Variants in FBXL2 observed in about 807,000 individuals in gnomAD.
FBXL2 encodes the protein F-box and leucine rich repeat protein 2, also known as F-box/LRR-repeat protein 2.
FBXL2 carries 38 observed loss-of-function variants against 69.2 expected under a neutral mutation model. The ratio of observed to expected loss-of-function variants is 0.55; its 90% CI spans 0.42 to 0.72. The LOEUF (loss-of-function observed/expected upper bound fraction) is 0.72. FBXL2 is among the 30% of genes least tolerant of loss of function. The pLI, the probability that FBXL2 is intolerant of heterozygous loss-of-function variation, is 0.00. For missense variants in FBXL2, 354 were observed against 520.3 expected (o/e 0.68, Z 3.11); for synonymous variants, 192 against 201.3 (o/e 0.95, Z 0.39).
In FBXL2 at chr3:33,278,904, A is replaced by C. The variant is rs139614416; in HGVS notation, c.3+1389A>C. Among the ~76,000 whole-genome samples, 720 of 152,348 alleles carry C rather than the reference A, an allele frequency of 4.7e-3. 7 individuals are homozygous for C. Among genetic ancestry groups the C allele is most frequent in the African/African-American group, 0.016 (672 of 41,580 alleles). ...AAAAGCCCTAACAATTGTAGCAAGG[A>C]GAAAGAATATCCAGGAATTAATTTT... On this transcript the variant is annotated intron_variant, in intron 1 of 14. Coordinates refer to ENST00000484457, the MANE Select transcript of FBXL2 (RefSeq NM_012157.5).
intron 2 of FBXL2, among the ~76,000 whole-genome samples, chr3:33,328,510 G>A (rs754455838): frequency 3.9e-5 from 6 of 152,020 alleles, no homozygotes; most frequent in Non-Finnish European, 7.4e-5. Context: ...ACATAGAGCG[G>A]TGGAACAGAA....
At chr3:33,394,191 T>TTTATTATTATTATTATTATTATTA (rs148929407) in intron 12 of FBXL2, among the ~76,000 whole-genome samples, 16 of 143,428 alleles carry the variant, frequency 1.1e-4, no homozygotes, top group Admixed American at 6.4e-4. Context: ...CTGGCTAATT[T>TTTATTATTATTATTATTATTATTA]TTATTATTAT....
chr3:33,359,085 C>A, intron 3 of FBXL2, 64 bp downstream of exon 3: 2 of 1,145,588 alleles, frequency 1.7e-6, no homozygotes, highest in South Asian at 3.6e-5. Context: ...AGTTTTAGTT[C>A]AAATTACTGA....
At chr3:33,420,803 A>G in the FBXL2 span, among the ~76,000 whole-genome samples, 8 of 151,932 alleles carry the variant, frequency 5.3e-5, no homozygotes, top group African/African-American at 7.3e-5. Context: ...TTCTATTTTT[A>G]GTAGAGATGG....
chr3:33,336,184 A>T (rs1333750909), intron 2 of FBXL2, among the ~76,000 whole-genome samples: 1 of 152,252 alleles, frequency 6.6e-6, no homozygotes, highest in Non-Finnish European at 1.5e-5. Context: ...ACATGGCCAT[A>T]TGTAAAGGCA....
chr3:33,316,570 C>T (rs1299662236), intron 2 of FBXL2, among the ~76,000 whole-genome samples: 2 of 152,166 alleles, frequency 1.3e-5, no homozygotes, highest in Non-Finnish European at 2.9e-5. Flanking sequence ...CTGCTGTTCT[C>T]ACATTAGCTA....
At position 33,384,038 on chromosome 3, in the gene FBXL2, G is replaced by T; in HGVS notation, c.1001G>T (p.Ser334Ile). Residue 334 changes from serine (S) to isoleucine (I), a missense_variant, in exon 14 of 15, where the codon AGC becomes ATC. Physicochemically the swap from Ser to Ile is moderately radical, Grantham distance 142. Coordinates refer to ENST00000484457, the MANE Select transcript of FBXL2 (RefSeq NM_012157.5). ...ACAGATGATGGGATCCTGCACCTGAGCAACAGTACCTGTGGCCATGAGAGG... is the reference window on the plus strand; with the variant it reads ...ACAGATGATGGGATCCTGCACCTGATCAACAGTACCTGTGGCCATGAGAGG... ...LITDDGILHL[S>I]NSTCGHERLR... 1.9e-6 allele frequency: 3 copies of T among 1,614,132 alleles called. No homozygotes were observed. The highest frequency in any genetic ancestry group is 1.7e-6 in the Non-Finnish European group (2 of 1,180,012).
chr3:33,294,614 G>A (rs1382887600), intron 1 of FBXL2, among the ~76,000 whole-genome samples: 1 of 152,084 alleles, frequency 6.6e-6, no homozygotes, highest in Non-Finnish European at 1.5e-5. Context: ...TAAGGCAGAA[G>A]GATCAGTTGA....
intron 12 of FBXL2, among the ~76,000 whole-genome samples, chr3:33,395,447 T>C (rs2043937617): frequency 6.6e-6 from 1 of 152,094 alleles, no homozygotes; most frequent in African/African-American, 2.4e-5. Flanking sequence ...TTTAAAATGC[T>C]TGCTTTTTTT....
intron 5 of FBXL2, chr3:33,372,873 G>A: frequency 1.7e-6 from 1 of 603,770 alleles, no homozygotes; most frequent in Non-Finnish European, 2.9e-6. Flanking sequence ...CCCTAGACTA[G>A]CAGCACTGGC....
intron 2 of FBXL2, among the ~76,000 whole-genome samples, chr3:33,338,968 CTA>C (rs1242319703): frequency 4.6e-5 from 7 of 152,090 alleles, no homozygotes; most frequent in African/African-American, 1.7e-4. Context: ...GCAAAAGAAA[CTA>C]TCAACAGAGT....
At chr3:33,360,836 C>T (rs1165307181) in intron 4 of FBXL2, among the ~76,000 whole-genome samples, 4 of 149,556 alleles carry the variant, frequency 2.7e-5, no homozygotes, top group African/African-American at 7.4e-5. Flanking sequence ...AAAATACTTA[C>T]TCTTTTTCTG....
chr3:33,371,075 T>C (rs911349661), intron 5 of FBXL2, among the ~76,000 whole-genome samples: 3 of 152,220 alleles, frequency 2.0e-5, no homozygotes, highest in Admixed American at 2.0e-4. Context: ...GCTATTGCTA[T>C]GTCTTCAAGT....
chr3:33,308,550 G>C (rs2036916236), intron 2 of FBXL2, among the ~76,000 whole-genome samples: 1 of 152,126 alleles, frequency 6.6e-6, no homozygotes, highest in Non-Finnish European at 1.5e-5. Flanking sequence ...AGAATATCCT[G>C]TAAGTACTCA....
intron 1 of FBXL2, among the ~76,000 whole-genome samples, chr3:33,295,076 T>C (rs2035612250): frequency 6.6e-6 from 1 of 152,094 alleles, no homozygotes; most frequent in Admixed American, 6.5e-5. Context: ...TTTTGGTGGA[T>C]TGTTTTTTTA....
intron 1 of FBXL2, among the ~76,000 whole-genome samples, chr3:33,286,088 T>C (rs141735176): frequency 0.1 from 15,264 of 152,250 alleles, 794 homozygotes; most frequent in African/African-American, 0.12. Flanking sequence ...CAAGGAGCTG[T>C]GTTCCTTTGG....
chr3:33,408,866 C>T, the FBXL2 span: 18 of 1,312,496 alleles, frequency 1.4e-5, no homozygotes, highest in East Asian at 3.0e-4. Flanking sequence ...CACCCTGTTT[C>T]ATGTCTCTTC....
chr3:33,353,595 A>G (rs2040985272), intron 2 of FBXL2, among the ~76,000 whole-genome samples: 1 of 152,240 alleles, frequency 6.6e-6, no homozygotes, highest in African/African-American at 2.4e-5. Context: ...GCGACATTAG[A>G]AAGATCAGTG....
chr3:33,390,397 T>C, downstream of FBXL2: 1 of 1,613,936 alleles, frequency 6.2e-7, no homozygotes, highest in Non-Finnish European at 8.5e-7. Flanking sequence ...CAGTATTTCT[T>C]CAGTCAGGCT....
Sources: gnomAD v4.1 joint callset for allele counts (sites outside exome capture counted in the v4.1 genomes callset) on GRCh38, gnomAD v4.1.1 for gene constraint, MANE v1.5 for transcripts, NCBI Gene and HGNC (gene_info 2026-07-23, HGNC 2026-07-21) for gene names.